Variants in PADI6 observed in about 807,000 individuals in gnomAD.
The protein encoded by PADI6 is inactive protein-arginine deiminase type-6.
Under a neutral mutation model 78.2 loss-of-function variants are expected in PADI6, and 66 were observed. The ratio of observed to expected loss-of-function variants is 0.84; its 90% CI spans 0.69 to 1.04. The LOEUF (loss-of-function observed/expected upper bound fraction) is 1.04. Ranked by LOEUF, PADI6 falls within the 50% of genes least tolerant of loss-of-function variation. The probability of loss-of-function intolerance (pLI) is 0.00; values close to 1 mark genes in which losing one functional copy is unlikely to be tolerated. For synonymous variants in PADI6, 397 were observed against 346.9 expected, an observed-to-expected ratio of 1.14 and a Z score of -1.60; for missense variants, 854 against 866.1, an observed-to-expected ratio of 0.99 and a Z score of 0.18.
In PADI6 at chr1:17,392,183, ATCTG is replaced by A; in HGVS notation, c.1036_1039del (p.Val346MetfsTer29). 2 of 1,560,914 alleles carry A rather than the reference ATCTG, an allele frequency of 1.3e-6. No homozygotes were observed. Among genetic ancestry groups the A allele is most frequent in the Admixed American group, 1.9e-5 (1 of 51,974 alleles). On this transcript the variant is annotated frameshift_variant, in exon 9 of 16. Coordinates refer to ENST00000619609, the MANE Select transcript of PADI6 (RefSeq NM_207421.4). LOFTEE classifies it high-confidence loss of function. ...GTGAGAAGAGCAACAGCCAGGTGGC[ATCTG>A]TCTATGAGGACCCCAACCGCCTGGG...
chr1:17,388,059 G>A (rs2075139626), intron 6 of PADI6, among the ~76,000 whole-genome samples: 1 of 152,196 alleles, frequency 6.6e-6, no homozygotes, highest in African/African-American at 2.4e-5. Context: ...GGATTCATGG[G>A]CCAAAATGTA....
intron 15 of PADI6, among the ~76,000 whole-genome samples, chr1:17,400,049 C>A (rs1330573783): frequency 1.3e-5 from 2 of 150,642 alleles, no homozygotes; most frequent in Non-Finnish European, 3.0e-5. Context: ...ACAAACAAAA[C>A]AAAACAAAAA....
At chr1:17,375,199 G>C (rs760101371) in intron 2 of PADI6, among the ~76,000 whole-genome samples, 6 of 152,180 alleles carry the variant, frequency 3.9e-5, no homozygotes, top group Non-Finnish European at 8.8e-5. Flanking sequence ...TTTCAAGCCT[G>C]GCTCTCGACA....
At chr1:17,380,066 C>T (rs2075057918) in intron 4 of PADI6, 79 bp downstream of exon 4, 2 of 1,423,778 alleles carry the variant, frequency 1.4e-6, no homozygotes, top group Non-Finnish European at 2.0e-6. Context: ...ATCTGACCTT[C>T]CTCGTGTCTA....
At chr1:17,394,538 C>A in intron 11 of PADI6, 84 bp downstream of exon 11, 2 of 1,415,328 alleles carry the variant, frequency 1.4e-6, no homozygotes, top group Non-Finnish European at 1.9e-6. Flanking sequence ...CATAGCACCT[C>A]AGCAGGTCAC....
chr1:17,374,768 T>C (rs1290402810), intron 2 of PADI6, among the ~76,000 whole-genome samples: 2 of 152,156 alleles, frequency 1.3e-5, no homozygotes, highest in Non-Finnish European at 2.9e-5. Context: ...CTTAGAGGAC[T>C]AAAGCTTCTA....
intron 3 of PADI6, among the ~76,000 whole-genome samples, chr1:17,376,889 G>GT (rs951735121): frequency 6.8e-6 from 1 of 147,920 alleles, no homozygotes; most frequent in Non-Finnish European, 1.5e-5. Flanking sequence ...GTTTTGTCTT[G>GT]TTTTTTGTTT....
intron 8 of PADI6, among the ~76,000 whole-genome samples, chr1:17,391,281 G>GT (rs1163595176): frequency 1.3e-5 from 2 of 152,152 alleles, no homozygotes; most frequent in Non-Finnish European, 2.9e-5. Context: ...GTGTAGTGGT[G>GT]TGATCTTGGC....
In PADI6 at chr1:17,382,102, C is replaced by A. The variant is rs756661415; in HGVS notation, c.679+10C>A. The A allele has an allele frequency of 3.7e-6, 6 of 1,612,732 alleles. No individual in the cohort carries two copies. The highest frequency in any genetic ancestry group is 1.1e-5 in the South Asian group (1 of 90,964). ...GTCTACTGGCCCCAAAGTGAGTGTT[C>A]TTGTGCCAGCTCCAGCTTTGCCTGC... is the stretch of plus-strand genomic sequence containing the variant. On this transcript the variant is annotated intron_variant, in intron 6 of 15. Transcript: ENST00000619609.
At position 17,373,226 on chromosome 1, in the gene PADI6, C is replaced by A. The variant is rs779603539; in HGVS notation, c.287C>A (p.Ala96Glu). Residue 96 changes from alanine (A) to glutamate (E), a missense_variant, in exon 2 of 16, where the codon GCG becomes GAG. Ala to Glu is a moderately radical substitution (Grantham distance 107). Coordinates refer to ENST00000619609, the MANE Select transcript of PADI6 (RefSeq NM_207421.4). ...ACATCGCCCAGCCCTTCCGTGGATGCGGATAAGGTAAGCCTCAGGGGAAGA... is the reference window on the plus strand; with the variant it reads ...ACATCGCCCAGCCCTTCCGTGGATGAGGATAAGGTAAGCCTCAGGGGAAGA... ...KMTSPSPSVD[A>E]DKVSVTYYGP... 6.8e-6 allele frequency: 11 copies of A among 1,613,600 alleles called. No individual in the cohort carries two copies. Among genetic ancestry groups the A allele is most frequent in the Non-Finnish European group, 9.3e-6 (11 of 1,179,756 alleles).
chr1:17,395,912 G>GGT (rs2100323269), intron 13 of PADI6, among the ~76,000 whole-genome samples: 2 of 152,336 alleles, frequency 1.3e-5, no homozygotes, highest in Admixed American at 1.3e-4. Context: ...TTAGTACATA[G>GGT]GTGGCCCCAA....
intron 14 of PADI6, 46 bp downstream of exon 14, chr1:17,397,187 C>A (rs369180497): frequency 7.1e-5 from 113 of 1,599,744 alleles, no homozygotes; most frequent in Admixed American, 2.2e-4. Flanking sequence ...GAGCTGGTGC[C>A]GCAGGTCTTG....
At chr1:17,375,615 G>A in intron 3 of PADI6, 116 bp downstream of exon 3, 9 of 890,544 alleles carry the variant, frequency 1.0e-5, no homozygotes, top group East Asian at 2.7e-5. Flanking sequence ...GCCTCCTGTG[G>A]GCCCCAGGAA....
chr1:17,382,232 A>G (rs2100297833), intron 6 of PADI6, 140 bp downstream of exon 6: 1 of 1,145,574 alleles, frequency 8.7e-7, no homozygotes, highest in Non-Finnish European at 1.2e-6. Context: ...TTGTGGCTGT[A>G]CTTGTGTTTC....
At chr1:17,389,786 C>T (rs1453291361) in intron 8 of PADI6, among the ~76,000 whole-genome samples, 1 of 152,230 alleles carries the variant, frequency 6.6e-6, no homozygotes. Flanking sequence ...AGTCTAGACA[C>T]AGCATGGCTC....
Position 17,388,419 on chromosome 1 carries a change from G to C in PADI6, c.718G>C (p.Asp240His). The C allele has an allele frequency of 6.2e-7, 1 of 1,613,548 alleles. No individual in the cohort carries two copies. Among genetic ancestry groups the C allele is most frequent in the Non-Finnish European group, 8.5e-7 (1 of 1,179,756 alleles). Residue 240 changes from aspartate to histidine, a missense_variant, in exon 7 of 16, where the codon GAC becomes CAC. Physicochemically the swap from Asp to His is moderately conservative, Grantham distance 81. Transcript: ENST00000619609. Reference protein sequence around the residue: ...SSTFELVLGPDQHAYTLALLG... With the variant: ...SSTFELVLGPHQHAYTLALLG... ...TACCTTTGAGTTGGTGCTGGGGCCC[G>C]ACCAGCACGCCTATACCTTGGCCCT...
At chr1:17,373,828 A>G (rs1020374020) in intron 2 of PADI6, among the ~76,000 whole-genome samples, 21 of 152,124 alleles carry the variant, frequency 1.4e-4, no homozygotes, top group Admixed American at 9.2e-4. Flanking sequence ...TAAGGCACAG[A>G]GTGCTGTGTC....
rs760273114 is a variant in PADI6 at position 17,382,055 on chromosome 1, G to A, written c.642G>A (p.Lys214=). 6.2e-7 allele frequency: 1 copy of A among 1,613,984 alleles called. No individual in the cohort carries two copies. The highest frequency in any genetic ancestry group is 8.5e-7 in the Non-Finnish European group (1 of 1,179,874). ...KKYRLVLHTS[K]EESKKARVYW... ...ATCGGCTAGTCCTCCATACCTCCAA[G>A]GAAGAGTCGAAGAAGGCGAGAGTCT... Residue 214 remains lysine (K), a synonymous_variant, in exon 6 of 16, where the codon AAG becomes AAA. Coordinates refer to ENST00000619609, the MANE Select transcript of PADI6 (RefSeq NM_207421.4).
At position 17,394,061 on chromosome 1, in the gene PADI6, G is replaced by A. The variant is rs557389130; in HGVS notation, c.1161G>A (p.Glu387=). 29 of 1,613,854 alleles carry A rather than the reference G, an allele frequency of 1.8e-5. No individual in the cohort carries two copies. The highest frequency in any genetic ancestry group is 3.3e-4 in the Middle Eastern group (2 of 6,062). ...CACCTCAGGCCGCCGATCTCGATGA[G>A]TTCCCCATGAAGTACTCACTGGTGT... ...LDTPQAADLD[E]FPMKYSLSPG... is the part of the protein sequence containing the mutation. The change falls in exon 10 of 16, where the codon GAG becomes GAA. Residue 387 remains glutamate, a synonymous_variant. Transcript: ENST00000619609.
Sources: gnomAD v4.1 joint callset for allele counts (sites outside exome capture counted in the v4.1 genomes callset) on GRCh38, gnomAD v4.1.1 for gene constraint, MANE v1.5 for transcripts, NCBI Gene and HGNC (gene_info 2026-07-23, HGNC 2026-07-21) for gene names.